Variants in NREP observed in about 807,000 individuals in gnomAD.
NREP encodes the protein neuronal regeneration-related protein.
NREP carries 5 observed loss-of-function variants against 8.6 expected under a neutral mutation model. The ratio of observed to expected loss-of-function variants is 0.58; its 90% CI spans 0.30 to 1.22. The LOEUF is 1.22. NREP is among the 50% of genes most tolerant of loss of function. NREP has a pLI of 0.07. For synonymous variants in NREP, 27 were observed against 28.0 expected (o/e 0.96, Z 0.11); for missense variants, 86 against 82.5 (o/e 1.04, Z -0.17).
chr5:111,792,655 G>C (rs1444453820), intron 2 of NREP, among the ~76,000 whole-genome samples: 1 of 152,152 alleles, frequency 6.6e-6, no homozygotes, highest in Non-Finnish European at 1.5e-5. Context: ...AAAATGGCTA[G>C]ATGCGACAGA....
intron 2 of NREP, among the ~76,000 whole-genome samples, chr5:111,797,456 GACCTT>G (rs959390259): frequency 6.6e-6 from 1 of 152,180 alleles, no homozygotes; most frequent in Admixed American, 6.5e-5. Context: ...CAAGAGCACA[GACCTT>G]ACAAGTATCA....
intron 2 of NREP, among the ~76,000 whole-genome samples, chr5:111,899,353 A>G (rs1754587400): frequency 1.3e-5 from 2 of 152,140 alleles, no homozygotes; most frequent in Non-Finnish European, 2.9e-5. Flanking sequence ...ATCTCTACAG[A>G]ACATTTAAAA....
At position 111,797,062 on chromosome 5, in the gene NREP, A is replaced by AAGATAGATAGAT. The variant is rs58573941; in HGVS notation, c.136-61567_136-61556dup. 3.6e-3 allele frequency among the ~76,000 whole-genome samples: 533 copies of AAGATAGATAGAT among 147,442 alleles called. 1 individual carries two copies. Among genetic ancestry groups the AAGATAGATAGAT allele is most frequent in the Middle Eastern group, 0.01 (3 of 288 alleles). Reference sequence around the variant, plus strand: ...AGAAAACGCAAGCGCAGTGTCTACTAAGATAGATAGATAGATAGATAGATA... The same window carrying AAGATAGATAGAT: ...AGAAAACGCAAGCGCAGTGTCTACTAAGATAGATAGATAGATAGATAGATAGATAGATAGATA... On this transcript the variant is annotated intron_variant, in intron 2 of 3. Coordinates refer to the NREP transcript ENST00000395634.
chr5:111,768,037 A>C (rs1751127093), intron 2 of NREP, among the ~76,000 whole-genome samples: 1 of 152,182 alleles, frequency 6.6e-6, no homozygotes, highest in African/African-American at 2.4e-5. Context: ...TCTTGTCTTG[A>C]AGGATGTCCA....
rs542183465 is a variant in NREP, at chr5:111,730,856, A to G, written c.*65T>C. ...GATGATTTACACAGAAAAAAATCCC[A>G]TATATGATACCATGACCTCATCAAT... On this transcript the variant is annotated 3_prime_UTR_variant, in exon 4 of 4. Transcript: ENST00000257435. The G allele has an allele frequency of 6.4e-6, 10 of 1,555,606 alleles. No homozygotes were observed. Among genetic ancestry groups the G allele is most frequent in the South Asian group, 2.3e-5 (2 of 85,752 alleles).
intron 2 of NREP, among the ~76,000 whole-genome samples, chr5:111,853,482 G>C (rs1485967737): frequency 6.6e-6 from 1 of 150,924 alleles, no homozygotes; most frequent in East Asian, 1.9e-4. Context: ...GCTTTGGGAG[G>C]GGGGAGGGTT....
chr5:111,914,863 G>A (rs1049612664), intron 2 of NREP, among the ~76,000 whole-genome samples: 15 of 152,098 alleles, frequency 9.9e-5, no homozygotes, highest in African/African-American at 3.4e-4. Context: ...TATCTGATAT[G>A]AACTTAGGAA....
chr5:111,881,165 G>C (rs535184132), intron 2 of NREP, among the ~76,000 whole-genome samples: 3 of 152,000 alleles, frequency 2.0e-5, no homozygotes, highest in African/African-American at 7.3e-5. Flanking sequence ...CGGCGCACCA[G>C]GAGATTATAT....
At chr5:111,955,796 C>T (rs531507289) in intron 2 of NREP, among the ~76,000 whole-genome samples, 15 of 151,410 alleles carry the variant, frequency 9.9e-5, no homozygotes, top group Admixed American at 2.6e-4. Context: ...TAGCAACCCA[C>T]GGTGTAAGAG....
At chr5:111,973,108 T>C (rs1430960284) in intron 2 of NREP, among the ~76,000 whole-genome samples, 2 of 152,180 alleles carry the variant, frequency 1.3e-5, no homozygotes, top group Non-Finnish European at 2.9e-5. Flanking sequence ...TGCTGTCATC[T>C]TAGGAGCACA....
chr5:111,757,611 G>A (rs1003116644), upstream of NREP: 83 of 983,272 alleles, frequency 8.4e-5, no homozygotes, highest in African/African-American at 1.3e-3. Context: ...GCCAACAGGC[G>A]CGCGCGCCCC....
intron 2 of NREP, among the ~76,000 whole-genome samples, chr5:111,741,578 A>G (rs1259135510): frequency 6.6e-6 from 1 of 152,160 alleles, no homozygotes; most frequent in Non-Finnish European, 1.5e-5. Flanking sequence ...CTGTCTCTCT[A>G]GAGACGTAGT....
At chr5:111,853,866 G>A (rs1430672863) in intron 2 of NREP, among the ~76,000 whole-genome samples, 1 of 152,106 alleles carries the variant, frequency 6.6e-6, no homozygotes, top group Non-Finnish European at 1.5e-5. Context: ...AACTGCACAT[G>A]GAAGCTGCTC....
chr5:111,960,697 T>G (rs1297834761), intron 2 of NREP, among the ~76,000 whole-genome samples: 2 of 152,232 alleles, frequency 1.3e-5, no homozygotes, highest in Non-Finnish European at 2.9e-5. Context: ...TGGAACAAGC[T>G]TGGTATTCTA....
At chr5:111,885,481 A>C (rs959486958) in intron 2 of NREP, among the ~76,000 whole-genome samples, 2 of 152,196 alleles carry the variant, frequency 1.3e-5, no homozygotes, top group Non-Finnish European at 2.9e-5. Flanking sequence ...ACTACTTTAA[A>C]GTTCATATGG....
intron 2 of NREP, among the ~76,000 whole-genome samples, chr5:111,894,363 A>C (rs929569664): frequency 6.6e-6 from 1 of 152,276 alleles, no homozygotes; most frequent in Admixed American, 6.5e-5. Context: ...AGGGAAAAAA[A>C]CTGGCCTCTT....
intron 2 of NREP, among the ~76,000 whole-genome samples, chr5:111,892,165 C>G (rs928141153): frequency 6.6e-6 from 1 of 152,036 alleles, no homozygotes; most frequent in East Asian, 1.9e-4. Flanking sequence ...AAAAGACTAC[C>G]TACATCTTTT....
At chr5:111,749,058 C>A (rs1750192385) in intron 2 of NREP, among the ~76,000 whole-genome samples, 1 of 152,042 alleles carries the variant, frequency 6.6e-6, no homozygotes, top group South Asian at 2.1e-4. Context: ...AGCAAAGGCA[C>A]AGAAAGAGGG....
intron 3 of NREP, chr5:111,731,850 A>T (rs1213000094): frequency 6.6e-6 from 1 of 152,408 alleles, no homozygotes; most frequent in Non-Finnish European, 1.5e-5. Flanking sequence ...CTGCAGCGCC[A>T]ACAGTGGAGA....
Sources: gnomAD v4.1 joint callset for allele counts (sites outside exome capture counted in the v4.1 genomes callset) on GRCh38, gnomAD v4.1.1 for gene constraint, MANE v1.5 for transcripts, NCBI Gene and HGNC (gene_info 2026-07-23, HGNC 2026-07-21) for gene names.